MACROH2A1: variants seen among roughly 807,000 people sequenced by gnomAD.
The protein encoded by MACROH2A1 is macroH2A.1 histone.
MACROH2A1 carries 2 observed loss-of-function variants against 31.6 expected under a neutral mutation model. The ratio of observed to expected loss-of-function variants is 0.06; its 90% confidence interval spans 0.03 to 0.20. The LOEUF (loss-of-function observed/expected upper bound fraction) is 0.20, where lower values mean the gene tolerates loss of function less well. MACROH2A1 is among the 10% of genes least tolerant of loss of function. MACROH2A1 has a pLI of 1.00. For synonymous variants in MACROH2A1, 169 were observed against 189.6 expected (o/e 0.89, Z 0.89); for missense variants, 230 against 474.0 (o/e 0.49, Z 4.78).
intron 1 of MACROH2A1, among the ~76,000 whole-genome samples, chr5:135,392,464 T>C (rs1355714714): frequency 6.6e-6 from 1 of 152,236 alleles, no homozygotes; most frequent in African/African-American, 2.4e-5. Context: ...CCCCATGTTC[T>C]TCCTGCACTT....
At chr5:135,362,311 G>T (rs374545862) in intron 4 of MACROH2A1, 1 of 152,214 alleles carries the variant, frequency 6.6e-6, no homozygotes. Context: ...TAACAATGGG[G>T]AAACTGGGTG....
intron 4 of MACROH2A1, among the ~76,000 whole-genome samples, chr5:135,365,875 T>C (rs184986396): frequency 6.6e-6 from 1 of 152,324 alleles, no homozygotes; most frequent in East Asian, 1.9e-4. Context: ...AAAGTCCACT[T>C]GTAGAAGGGT....
At chr5:135,359,022 G>T (rs1762514550) in intron 5 of MACROH2A1, 1 of 985,192 alleles carries the variant, frequency 1.0e-6, no homozygotes, top group African/African-American at 1.7e-5. Context: ...ACAGCAACAA[G>T]AAGGGCATCT....
chr5:135,353,006 A>C lies in MACROH2A1; in HGVS notation c.628T>G (p.Phe210Val), dbSNP rs1378385796. The C allele has an allele frequency of 1.2e-6, 2 of 1,610,096 alleles. No homozygotes were observed. Among genetic ancestry groups the C allele is most frequent in the Non-Finnish European group, 1.7e-6 (2 of 1,176,342 alleles). Residue 210 changes from phenylalanine to valine, a missense_variant, in exon 6 of 9, where the codon TTT becomes GTT. Physicochemically the swap from Phe to Val is conservative, Grantham distance 50. This residue lies in a region of MACROH2A1 where 183 missense variants were observed against 319.3 expected (regional missense o/e 0.57). Transcript: ENST00000511689. ...IHSEISNLAG[F>V]EVEAIINPTN... is the part of the protein sequence containing the mutation. The stretch of plus-strand genomic sequence containing the variant: ...GGATTGATTATGGCCTCCACCTCAA[A>C]GCCGGCTAAATTACTGATTTCACTG...
chr5:135,343,125 T>C (rs752897541), intron 8 of MACROH2A1, 135 bp downstream of exon 8: 10 of 1,572,528 alleles, frequency 6.4e-6, no homozygotes, highest in Admixed American at 1.8e-5. Flanking sequence ...CATTCTTCCC[T>C]GTGTTGTGCT....
chr5:135,377,443 T>A (rs933231187), intron 2 of MACROH2A1, among the ~76,000 whole-genome samples: 1 of 152,216 alleles, frequency 6.6e-6, no homozygotes, highest in African/African-American at 2.4e-5. Flanking sequence ...AAGAGTATAA[T>A]GTAAAGAGGA....
chr5:135,382,144 G>A (rs1030881730), intron 2 of MACROH2A1, among the ~76,000 whole-genome samples: 10 of 152,158 alleles, frequency 6.6e-5, no homozygotes, highest in Middle Eastern at 3.2e-3. Context: ...CTGTGTGCTT[G>A]TCTGTTGGCC....
intron 2 of MACROH2A1, among the ~76,000 whole-genome samples, chr5:135,383,960 C>T (rs1474059132): frequency 5.3e-5 from 8 of 152,140 alleles, no homozygotes; most frequent in Admixed American, 5.2e-4. Context: ...AAGAGCCAAG[C>T]CTGACTGTCC....
chr5:135,368,529 G>A (rs1393765296), intron 4 of MACROH2A1, among the ~76,000 whole-genome samples: 3 of 152,256 alleles, frequency 2.0e-5, no homozygotes, highest in Non-Finnish European at 4.4e-5. Context: ...CTGGAGGCCA[G>A]AAGGAGGACT....
chr5:135,392,653 G>A (rs1378125073), intron 1 of MACROH2A1, among the ~76,000 whole-genome samples: 1 of 152,202 alleles, frequency 6.6e-6, no homozygotes, highest in African/African-American at 2.4e-5. Context: ...GCTCTTCAGA[G>A]GTTTATGCAG....
chr5:135,358,241 C>T lies in MACROH2A1; in HGVS notation c.588+2256G>A, dbSNP rs111639762. The T allele has an allele frequency of 4.7e-4, 460 of 985,364 alleles. 2 individuals are homozygous for T. In the African/African-American group the frequency reaches 7.4e-3, roughly 16 times the overall value. The allele number at this position is 985,364 out of a possible 1,614,324, so 61.0% of individuals were successfully genotyped here. ...AAAATAATGCTCTAATGTATCAATG[C>T]TCACTCCGTCTCATGCTGCAGGGGT... On this transcript the variant is annotated intron_variant, in intron 5 of 8. Transcript: ENST00000511689.
At position 135,389,146 on chromosome 5, in the gene MACROH2A1, A is replaced by G. The variant is rs1766843206; in HGVS notation, c.-33-20T>C. 3 of 1,564,550 alleles carry G rather than the reference A, an allele frequency of 1.9e-6. No individual in the cohort carries two copies. Among genetic ancestry groups the G allele is most frequent in the Admixed American group, 1.7e-5 (1 of 58,584 alleles). On this transcript the variant is annotated intron_variant, in intron 1 of 8. Transcript: ENST00000511689. ...AGCACACTGTGAAGGCGAGAGGCAC[A>G]CCGGTCAGGGTGGCTGGGGACAGCA... is the stretch of plus-strand genomic sequence containing the variant.
intron 2 of MACROH2A1, among the ~76,000 whole-genome samples, chr5:135,384,651 G>C (rs1733401135): frequency 6.6e-6 from 1 of 152,174 alleles, no homozygotes; most frequent in Non-Finnish European, 1.5e-5. Context: ...ACAGGAAAAA[G>C]AACAAGATTA....
At position 135,375,395 on chromosome 5, in the gene MACROH2A1, C is replaced by T. The variant is rs191617074; in HGVS notation, c.173-5253G>A. 5.9e-5 allele frequency among the ~76,000 whole-genome samples: 9 copies of T among 152,326 alleles called. No homozygotes were observed. The East Asian group carries it at 7.7e-4, about 13-fold the overall frequency. ...GCAGCCTTTTTGACTACAGACCAGC[C>T]GTCTGAACATGAATACCTTTGACAG... is the stretch of plus-strand genomic sequence containing the variant. On this transcript the variant is annotated intron_variant, in intron 2 of 8. Transcript: ENST00000511689.
At chr5:135,376,643 G>A (rs1425455005) in intron 2 of MACROH2A1, among the ~76,000 whole-genome samples, 2 of 152,168 alleles carry the variant, frequency 1.3e-5, no homozygotes, top group Non-Finnish European at 2.9e-5. Flanking sequence ...GTCGGGGTTT[G>A]GATCCCAGCT....
chr5:135,353,348 G>T, intron 5 of MACROH2A1: 1 of 345,706 alleles, frequency 2.9e-6, no homozygotes, highest in South Asian at 3.2e-5. Flanking sequence ...TGATCTGGGG[G>T]CCAAAGTAAG....
intron 6 of MACROH2A1, chr5:135,350,787 C>A: frequency 7.9e-7 from 1 of 1,273,164 alleles, no homozygotes; most frequent in South Asian, 1.2e-5. Context: ...ACTGACCATG[C>A]ACACACACAC....
intron 4 of MACROH2A1, chr5:135,360,912 TG>T: frequency 2.0e-6 from 1 of 491,820 alleles, no homozygotes; most frequent in Non-Finnish European, 3.8e-6. Context: ...ACCAAGTAAA[TG>T]TCTCTTAATT....
chr5:135,385,808 T>C (rs1333239039), intron 2 of MACROH2A1, among the ~76,000 whole-genome samples: 1 of 152,200 alleles, frequency 6.6e-6, no homozygotes, highest in South Asian at 2.1e-4. Flanking sequence ...GGCCTGCTTT[T>C]ACTCCTTGCA....
Sources: allele counts gnomAD v4.1 joint callset (sites outside exome capture counted in the v4.1 genomes callset), GRCh38; gene constraint gnomAD v4.1.1; regional missense constraint gnomAD v4.1.1; transcripts MANE v1.5; gene names NCBI Gene and HGNC (gene_info 2026-07-23, HGNC 2026-07-21).